The following SYT9 variants were observed in gnomAD, a reference collection of about 807,000 sequenced individuals.
The protein encoded by SYT9 is synaptotagmin 9, also known as synaptotagmin-9.
In SYT9, 22 loss-of-function variants were observed where a neutral mutation model predicts 48.4. The observed-to-expected ratio is 0.45, with a 90% CI of 0.32 to 0.65. The LOEUF is 0.65. Among genes scored for constraint, SYT9 ranks in the 30% least tolerant of loss-of-function variants. SYT9 has a pLI of 0.03. For missense variants in SYT9, 577 were observed against 622.0 expected, an observed-to-expected ratio of 0.93 and a Z score of 0.77; for synonymous variants, 265 against 245.0, an observed-to-expected ratio of 1.08 and a Z score of -0.76.
chr11:7,449,575 G>A (rs993142546), intron 6 of SYT9, among the ~76,000 whole-genome samples: 4 of 152,138 alleles, frequency 2.6e-5, no homozygotes, highest in Non-Finnish European at 5.9e-5. Flanking sequence ...GACAGTGGAA[G>A]TGGGGGCTGG....
At chr11:7,416,666 C>T (rs1034698218) in intron 4 of SYT9, among the ~76,000 whole-genome samples, 34 of 152,092 alleles carry the variant, frequency 2.2e-4, no homozygotes, top group African/African-American at 6.0e-4. Context: ...TTAAAGTATA[C>T]GGGAGAATGT....
intron 3 of SYT9, among the ~76,000 whole-genome samples, chr11:7,315,084 T>C (rs1332383955): frequency 1.3e-5 from 2 of 152,174 alleles, no homozygotes; most frequent in African/African-American, 4.8e-5. Context: ...GCTATCCAAA[T>C]AAACAAAATG....
At chr11:7,305,969 A>T (rs1849023126) in intron 2 of SYT9, among the ~76,000 whole-genome samples, 1 of 152,156 alleles carries the variant, frequency 6.6e-6, no homozygotes, top group Non-Finnish European at 1.5e-5. Context: ...TGTCCTAAAG[A>T]TGGGCTTTGT....
chr11:7,274,442 G>A (rs1404868443), intron 1 of SYT9, among the ~76,000 whole-genome samples: 1 of 150,664 alleles, frequency 6.6e-6, no homozygotes, highest in African/African-American at 2.4e-5. Context: ...TCAGCCTCCC[G>A]AGTAGCTGGG....
chr11:7,452,363 G>T (rs1848071076), intron 6 of SYT9, among the ~76,000 whole-genome samples: 1 of 152,288 alleles, frequency 6.6e-6, no homozygotes, highest in South Asian at 2.1e-4. Context: ...CAGAAAAGCT[G>T]CTCTCTGACT....
intron 3 of SYT9, among the ~76,000 whole-genome samples, chr11:7,409,385 A>C (rs527887553): frequency 5.7e-4 from 87 of 152,244 alleles, no homozygotes; most frequent in Non-Finnish European, 9.7e-4. Context: ...TTGGTCTCAT[A>C]TAATGACTTG....
At chr11:7,445,044 C>T (rs1847902192) in intron 6 of SYT9, among the ~76,000 whole-genome samples, 1 of 152,168 alleles carries the variant, frequency 6.6e-6, no homozygotes, top group African/African-American at 2.4e-5. Flanking sequence ...TCTGGCTTTG[C>T]CATTTTTGAG....
At chr11:7,443,802 G>A (rs1433197325) in intron 6 of SYT9, among the ~76,000 whole-genome samples, 1 of 152,194 alleles carries the variant, frequency 6.6e-6, no homozygotes, top group Non-Finnish European at 1.5e-5. Context: ...ATAGTACCTG[G>A]CACATAGGAG....
intron 3 of SYT9, among the ~76,000 whole-genome samples, chr11:7,394,878 C>T (rs1486867202): frequency 2.0e-5 from 3 of 151,988 alleles, no homozygotes; most frequent in African/African-American, 4.8e-5. Context: ...GTTGTTTCTC[C>T]GTTTTCATTT....
In SYT9 at chr11:7,382,668, G is replaced by A. The variant is rs114548297; in HGVS notation, c.1045-33374G>A. On this transcript the variant is annotated intron_variant, in intron 3 of 6. Transcript: ENST00000318881. ...ACTGGAGAAGATCAGATATGATGGC[G>A]ATGTGAATGCTTTTCGTTGACCGTA... Among the ~76,000 whole-genome samples, 653 of 152,330 alleles carry A rather than the reference G, an allele frequency of 4.3e-3. 11 individuals carry two copies. Among genetic ancestry groups the A allele is most frequent in the African/African-American group, 0.013 (546 of 41,568 alleles).
intron 3 of SYT9, among the ~76,000 whole-genome samples, chr11:7,410,805 C>A (rs1487961539): frequency 6.6e-6 from 1 of 151,998 alleles, no homozygotes; most frequent in Non-Finnish European, 1.5e-5. Context: ...TATATTCAAC[C>A]AGTCTATATA....
Position 7,252,085 on chromosome 11 carries a change from CG to C in SYT9, c.-100del. 8.0e-7 allele frequency: 1 copy of C among 1,256,826 alleles called. No individual in the cohort carries two copies. Among genetic ancestry groups the C allele is most frequent in the Non-Finnish European group, 1.0e-6 (1 of 982,816 alleles). 77.9% of individuals were successfully genotyped at this position (1,256,826 alleles called of 1,614,324 possible). On this transcript the variant is annotated 5_prime_UTR_variant, in exon 1 of 7. The change abolishes the stop of an existing upstream ORF in the 5' untranslated region. Transcript: ENST00000318881. This position sits in a 1 kb window ranked among gnomAD's most constrained non-coding sequence, Gnocchi z 6.3. ...GCACCGTTTCTCGGCAGGTCCCTGG[CG>C]GTGAGCGCGGACGGCCCGGAGGCGG...
Position 7,252,088 on chromosome 11 carries a change from T to G in SYT9, c.-99T>G. The G allele has an allele frequency of 7.8e-7, 1 of 1,274,402 alleles. No individual in the cohort carries two copies. The highest frequency in any genetic ancestry group is 1.0e-6 in the Non-Finnish European group (1 of 999,432). 78.9% of individuals were successfully genotyped at this position (1,274,402 alleles called of 1,614,324 possible). A position where few individuals can be genotyped will look rare whatever the true frequency, so the allele number is the denominator to read the frequency against. ...CCGTTTCTCGGCAGGTCCCTGGCGG[T>G]GAGCGCGGACGGCCCGGAGGCGGCG... is the stretch of plus-strand genomic sequence containing the variant. On this transcript the variant is annotated 5_prime_UTR_variant, in exon 1 of 7. An upstream open reading frame in the 5' UTR loses its in-frame stop. Transcript: ENST00000318881. The surrounding 1 kb of genome is among the most constrained non-coding windows in gnomAD (Gnocchi z 6.3).
intron 3 of SYT9, among the ~76,000 whole-genome samples, chr11:7,370,561 C>T (rs1381944564): frequency 6.6e-6 from 1 of 152,088 alleles, no homozygotes; most frequent in South Asian, 2.1e-4. Flanking sequence ...TGATATTTTA[C>T]ACCTAAAATA....
intron 3 of SYT9, among the ~76,000 whole-genome samples, chr11:7,401,316 T>TAA (rs1430362071): frequency 6.0e-5 from 9 of 150,602 alleles, no homozygotes; most frequent in African/African-American, 1.9e-4. Flanking sequence ...TGTATATATA[T>TAA]AATACATATA....
At chr11:7,276,286 C>G (rs921182720) in intron 1 of SYT9, among the ~76,000 whole-genome samples, 1 of 152,158 alleles carries the variant, frequency 6.6e-6, no homozygotes, top group Non-Finnish European at 1.5e-5. Context: ...CTATGATCAC[C>G]TTATTTCCAG....
At position 7,415,274 on chromosome 11, in the gene SYT9, G is replaced by T. The variant is rs534913612; in HGVS notation, c.1045-768G>T. On this transcript the variant is annotated intron_variant, in intron 3 of 6. Coordinates refer to ENST00000318881, the MANE Select transcript of SYT9 (RefSeq NM_175733.4). ...TGGCTGTGTCCAGGGCTCTGAATGTGTGGGCTCGCAGGGTGCCACTCTCAG... is the reference window on the plus strand; with the variant it reads ...TGGCTGTGTCCAGGGCTCTGAATGTTTGGGCTCGCAGGGTGCCACTCTCAG... 3.9e-4 allele frequency among the ~76,000 whole-genome samples: 60 copies of T among 152,274 alleles called. 2 individuals carry two copies. The South Asian group carries it at 0.012, about 31-fold the overall frequency.
At chr11:7,411,011 C>T (rs547382029) in intron 3 of SYT9, among the ~76,000 whole-genome samples, 6 of 152,252 alleles carry the variant, frequency 3.9e-5, no homozygotes, top group South Asian at 4.2e-4. Flanking sequence ...CCTGGCACCA[C>T]GCCTGGCTAA....
chr11:7,348,122 G>C (rs1195412130), intron 3 of SYT9, among the ~76,000 whole-genome samples: 1 of 152,164 alleles, frequency 6.6e-6, no homozygotes, highest in Non-Finnish European at 1.5e-5. Flanking sequence ...TCCCCCATCA[G>C]GTCATGCAAT....
Sources: allele counts gnomAD v4.1 joint callset (sites outside exome capture counted in the v4.1 genomes callset), GRCh38; gene constraint gnomAD v4.1.1; non-coding constraint Gnocchi (gnomAD v3.1); transcripts MANE v1.5; gene names NCBI Gene and HGNC (gene_info 2026-07-23, HGNC 2026-07-21).